The following ESRRG variants were observed in gnomAD, a reference collection of about 807,000 sequenced individuals.
The protein encoded by ESRRG is estrogen related receptor gamma, also known as estrogen-related receptor gamma.
In ESRRG, 13 loss-of-function variants were observed where a neutral mutation model predicts 44.0. The observed-to-expected ratio is 0.30, with a 90% CI of 0.19 to 0.47. ESRRG has a LOEUF of 0.47. ESRRG is among the 20% of genes least tolerant of loss of function. The pLI is 1.00. For synonymous variants in ESRRG, 215 were observed against 214.6 expected, an observed-to-expected ratio of 1.00 and a Z score of -0.02; for missense variants, 395 against 580.6, an observed-to-expected ratio of 0.68 and a Z score of 3.29.
chr1:216,941,262 C>T (rs576299086), intron 1 of ESRRG, among the ~76,000 whole-genome samples: 60 of 152,182 alleles, frequency 3.9e-4, no homozygotes, highest in Middle Eastern at 3.4e-3. Context: ...TAGGTTGTTG[C>T]TTTTTTAAAA....
intron 1 of ESRRG, among the ~76,000 whole-genome samples, chr1:217,137,010 C>A (rs945210394): frequency 1.3e-5 from 2 of 152,172 alleles, no homozygotes; most frequent in African/African-American, 4.8e-5. Context: ...GCCTCAGTGT[C>A]AGGCCTGCGA....
At chr1:216,975,706 C>T (rs1160638728) in intron 1 of ESRRG, among the ~76,000 whole-genome samples, 1 of 152,154 alleles carries the variant, frequency 6.6e-6, no homozygotes, top group Non-Finnish European at 1.5e-5. Context: ...AATAGGTAGT[C>T]TGGGATCTAA....
intron 2 of ESRRG, among the ~76,000 whole-genome samples, chr1:216,881,993 A>G (rs1455818939): frequency 6.6e-6 from 1 of 151,522 alleles, no homozygotes; most frequent in Admixed American, 6.6e-5. Flanking sequence ...AATCCTTAAG[A>G]AAATAGGCTT....
intron 2 of ESRRG, chr1:216,936,645 G>A (rs1323299105): frequency 1.3e-5 from 2 of 151,470 alleles, no homozygotes; most frequent in Admixed American, 6.6e-5. Context: ...AGATCAAATT[G>A]TTTTACTTCT....
intron 5 of ESRRG, among the ~76,000 whole-genome samples, chr1:216,531,029 A>AAAAAC (rs2049220397): frequency 6.6e-6 from 1 of 152,154 alleles, no homozygotes; most frequent in South Asian, 2.1e-4. Flanking sequence ...GAGAGGCAGA[A>AAAAAC]AAAACAAAAC....
chr1:216,589,102 T>C (rs568706900), intron 3 of ESRRG, among the ~76,000 whole-genome samples: 3 of 152,346 alleles, frequency 2.0e-5, no homozygotes, highest in South Asian at 2.1e-4. Context: ...TATGGTTTTA[T>C]ACTTGAGATG....
At chr1:217,123,816 C>A (rs766494003) in intron 1 of ESRRG, among the ~76,000 whole-genome samples, 29 of 152,088 alleles carry the variant, frequency 1.9e-4, no homozygotes, top group Admixed American at 4.6e-4. Flanking sequence ...GGCTTAATAT[C>A]TGGATGATGG....
chr1:217,093,919 G>C (rs1384101880), upstream of ESRRG, among the ~76,000 whole-genome samples: 1 of 152,014 alleles, frequency 6.6e-6, no homozygotes, highest in Non-Finnish European at 1.5e-5. Context: ...ATCTGGCTCT[G>C]TATTCCAGGC....
chr1:216,689,615 G>T (rs763219052), intron 1 of ESRRG, among the ~76,000 whole-genome samples: 5 of 151,852 alleles, frequency 3.3e-5, no homozygotes, highest in Non-Finnish European at 7.4e-5. Flanking sequence ...ACTATTAGAG[G>T]TAATAAAAGC....
intron 2 of ESRRG, among the ~76,000 whole-genome samples, chr1:216,732,381 ATT>A (rs5780915): frequency 4.1e-5 from 6 of 145,460 alleles, no homozygotes; most frequent in African/African-American, 7.6e-5. Context: ...GGATTTATTG[ATT>A]TTTTTTTTTT....
intron 2 of ESRRG, among the ~76,000 whole-genome samples, chr1:216,806,984 C>A (rs1028766015): frequency 6.6e-6 from 1 of 152,140 alleles, no homozygotes; most frequent in Admixed American, 6.6e-5. Flanking sequence ...TCATCTGTAG[C>A]TTCCTCTCGT....
At chr1:217,097,415 C>G (rs12137803) in intron 1 of ESRRG, among the ~76,000 whole-genome samples, 1 of 152,046 alleles carries the variant, frequency 6.6e-6, no homozygotes, top group Admixed American at 6.6e-5. Context: ...GCTGACTTTC[C>G]GGGCAAGAAA....
At chr1:216,829,841 A>G (rs913100785) in intron 2 of ESRRG, among the ~76,000 whole-genome samples, 2 of 152,058 alleles carry the variant, frequency 1.3e-5, no homozygotes, top group Non-Finnish European at 2.9e-5. Flanking sequence ...GGTGTGAGCC[A>G]CCGCGCCCGG....
At chr1:216,634,829 C>G (rs556906286) in intron 3 of ESRRG, among the ~76,000 whole-genome samples, 3 of 152,168 alleles carry the variant, frequency 2.0e-5, no homozygotes, top group African/African-American at 7.2e-5. Flanking sequence ...CTGGCCTGAT[C>G]AGTATTCTGG....
intron 1 of ESRRG, among the ~76,000 whole-genome samples, chr1:216,950,438 T>A (rs941572867): frequency 6.6e-6 from 1 of 152,218 alleles, no homozygotes; most frequent in Non-Finnish European, 1.5e-5. Context: ...TTATAGCTTT[T>A]AGTAAAGGAG....
chr1:216,643,147 T>C (rs2066797341), intron 3 of ESRRG, among the ~76,000 whole-genome samples: 1 of 152,130 alleles, frequency 6.6e-6, no homozygotes, highest in Non-Finnish European at 1.5e-5. Context: ...CTGGGATAAT[T>C]TTTCTTTATA....
At chr1:216,878,230 T>C (rs1234951970) in intron 2 of ESRRG, among the ~76,000 whole-genome samples, 1 of 152,224 alleles carries the variant, frequency 6.6e-6, no homozygotes. Context: ...TTCTGTAAAC[T>C]GCCTGATCAT....
At chr1:217,036,182 G>A (rs2082863516) in intron 1 of ESRRG, among the ~76,000 whole-genome samples, 1 of 152,156 alleles carries the variant, frequency 6.6e-6, no homozygotes, top group Non-Finnish European at 1.5e-5. Flanking sequence ...TGAGGCTGTG[G>A]AGAAAAGGAA....
intron 2 of ESRRG, among the ~76,000 whole-genome samples, chr1:216,792,711 T>C (rs187187765): frequency 6.6e-6 from 1 of 152,320 alleles, no homozygotes; most frequent in Non-Finnish European, 1.5e-5. Context: ...AGTAATAATT[T>C]TGCAAATGCA....
Sources: gnomAD v4.1 joint callset for allele counts (sites outside exome capture counted in the v4.1 genomes callset) on GRCh38, gnomAD v4.1.1 for gene constraint, MANE v1.5 for transcripts, NCBI Gene and HGNC (gene_info 2026-07-23, HGNC 2026-07-21) for gene names.